The following PAM variants were observed in gnomAD, a reference collection of about 807,000 sequenced individuals.
PAM encodes peptidylglycine alpha-amidating monooxygenase.
A neutral mutation model predicts 122.1 loss-of-function variants in PAM; 72 were observed. The ratio of observed to expected loss-of-function variants is 0.59; its 90% CI spans 0.49 to 0.72. The LOEUF (loss-of-function observed/expected upper bound fraction) is 0.72, where lower values mean the gene tolerates loss of function less well. Among genes scored for constraint, PAM ranks in the 30% least tolerant of loss-of-function variants. The pLI, the probability that PAM is intolerant of heterozygous loss-of-function variation, is 0.00. For missense variants in PAM, 1,106 were observed against 1,183.7 expected, an observed-to-expected ratio of 0.93 and a Z score of 0.96; for synonymous variants, 389 against 404.4, an observed-to-expected ratio of 0.96 and a Z score of 0.46.
intron 1 of PAM, among the ~76,000 whole-genome samples, chr5:102,764,483 G>A (rs1329310556): frequency 3.3e-5 from 5 of 152,022 alleles, no homozygotes; most frequent in African/African-American, 1.2e-4. Flanking sequence ...CGAAGCAGCG[G>A]TAACAGGTAT....
At chr5:102,850,655 G>C (rs915753617) in intron 1 of PAM, among the ~76,000 whole-genome samples, 20 of 152,084 alleles carry the variant, frequency 1.3e-4, no homozygotes, top group Admixed American at 1.1e-3. Flanking sequence ...CCTCCTTATT[G>C]GCTAAAGGAG....
At chr5:102,948,309 T>C in intron 8 of PAM, 69 bp from the exon 9 acceptor site, 1 of 831,136 alleles carries the variant, frequency 1.2e-6, no homozygotes, top group South Asian at 1.4e-5. Context: ...TTGAGGTATA[T>C]GCTGTTTTTC....
At chr5:102,858,557 C>A (rs915843021) in intron 1 of PAM, among the ~76,000 whole-genome samples, 1 of 152,166 alleles carries the variant, frequency 6.6e-6, no homozygotes, top group Non-Finnish European at 1.5e-5. Flanking sequence ...AATGTTCTTG[C>A]TAAGCAGAGG....
intron 7 of PAM, among the ~76,000 whole-genome samples, chr5:102,942,282 T>C (rs1755517265): frequency 6.6e-6 from 1 of 152,082 alleles, no homozygotes; most frequent in African/African-American, 2.4e-5. Flanking sequence ...TTGGGAGCCA[T>C]GATTTAGCCC....
intron 1 of PAM, among the ~76,000 whole-genome samples, chr5:102,844,616 A>G (rs936391786): frequency 6.6e-5 from 10 of 152,126 alleles, no homozygotes; most frequent in Non-Finnish European, 1.3e-4. Context: ...GCAGTGAGCT[A>G]TGATCACACC....
chr5:102,996,051 T>C (rs1363090690), intron 16 of PAM, among the ~76,000 whole-genome samples: 2 of 152,172 alleles, frequency 1.3e-5, no homozygotes, highest in Non-Finnish European at 2.9e-5. Flanking sequence ...TTTTGATTCA[T>C]GGCATAGAAT....
chr5:102,921,715 A>G (rs1000194512), intron 5 of PAM, among the ~76,000 whole-genome samples: 4 of 152,140 alleles, frequency 2.6e-5, no homozygotes, highest in Non-Finnish European at 4.4e-5. Context: ...TTTTATCTCA[A>G]ATTTGATTTT....
In PAM at chr5:102,965,057, A is replaced by G. The variant is rs1763646023; in HGVS notation, c.1162+3828A>G. Among the ~76,000 whole-genome samples the G allele has an allele frequency of 2.0e-5, 3 of 151,794 alleles. No individual in the cohort carries two copies. In the South Asian group the frequency reaches 6.2e-4, roughly 31 times the overall value. ...ATTACCTATATATGTAATAAGTACA[A>G]TAAACTATACAATAGACTCAATTAG... On this transcript the variant is annotated intron_variant, in intron 14 of 25. Coordinates refer to ENST00000438793, the MANE Select transcript of PAM (RefSeq NM_001177306.2).
intron 23 of PAM, 132 bp downstream of exon 23, chr5:103,019,975 A>G (rs1783094973): frequency 1.4e-6 from 1 of 717,078 alleles, no homozygotes; most frequent in Non-Finnish European, 2.6e-6. Context: ...GACTTCTGCT[A>G]TGTACTGAGC....
chr5:102,970,752 T>G (rs1222727564), intron 14 of PAM, among the ~76,000 whole-genome samples: 1 of 152,088 alleles, frequency 6.6e-6, no homozygotes, highest in Non-Finnish European at 1.5e-5. Context: ...CAGTGACTTA[T>G]TAAGAAAATA....
At chr5:102,985,852 T>G (rs181905722) in intron 15 of PAM, among the ~76,000 whole-genome samples, 1 of 152,104 alleles carries the variant, frequency 6.6e-6, no homozygotes, top group East Asian at 1.9e-4. Context: ...AACACAGTAC[T>G]ATCAAACCAA....
intron 1 of PAM, among the ~76,000 whole-genome samples, chr5:102,769,104 T>C (rs1755006325): frequency 6.6e-6 from 1 of 152,176 alleles, no homozygotes; most frequent in African/African-American, 2.4e-5. Flanking sequence ...TGATAAATGA[T>C]GTTGAGCGCC....
chr5:102,994,631 G>T (rs1053356253), intron 16 of PAM, among the ~76,000 whole-genome samples: 2 of 152,016 alleles, frequency 1.3e-5, no homozygotes, highest in African/African-American at 4.8e-5. Flanking sequence ...TGTAGAATTT[G>T]TAATCTATGA....
At chr5:102,796,133 T>C (rs1763321730) in intron 1 of PAM, among the ~76,000 whole-genome samples, 1 of 152,112 alleles carries the variant, frequency 6.6e-6, no homozygotes, top group African/African-American at 2.4e-5. Flanking sequence ...AGGAGGTAAT[T>C]TGAGATCTGT....
chr5:102,853,000 C>A (rs1287386752), intron 1 of PAM, among the ~76,000 whole-genome samples: 3 of 152,136 alleles, frequency 2.0e-5, no homozygotes, highest in African/African-American at 7.2e-5. Context: ...GTTAAGCACA[C>A]CATTTTATAT....
intron 3 of PAM, among the ~76,000 whole-genome samples, chr5:102,879,054 G>A (rs376858919): frequency 1.3e-5 from 2 of 151,856 alleles, no homozygotes; most frequent in East Asian, 3.9e-4. Context: ...TCAGCCTCCC[G>A]AGTAGCTGGG....
intron 3 of PAM, 150 bp downstream of exon 3, chr5:102,867,543 T>A: frequency 2.0e-6 from 1 of 496,252 alleles, no homozygotes; most frequent in Non-Finnish European, 3.5e-6. Flanking sequence ...TTGAATATTT[T>A]AAAGAGGGTT....
chr5:102,971,280 G>A (rs190064155), intron 14 of PAM, among the ~76,000 whole-genome samples: 24 of 152,250 alleles, frequency 1.6e-4, no homozygotes, highest in Admixed American at 5.9e-4. Flanking sequence ...TTTATGATAT[G>A]TACTGGACTG....
At chr5:102,817,143 G>A (rs1561526171) in intron 1 of PAM, among the ~76,000 whole-genome samples, 1 of 152,018 alleles carries the variant, frequency 6.6e-6, no homozygotes, top group Non-Finnish European at 1.5e-5. Flanking sequence ...CTGTGAACAT[G>A]TTTTATATAC....
Sources: allele counts gnomAD v4.1 joint callset (sites outside exome capture counted in the v4.1 genomes callset), GRCh38; gene constraint gnomAD v4.1.1; transcripts MANE v1.5; gene names NCBI Gene and HGNC (gene_info 2026-07-23, HGNC 2026-07-21).